Variants in DLGAP1 observed in about 807,000 individuals in gnomAD.
DLGAP1 encodes DLG associated protein 1, also known as disks large-associated protein 1.
A neutral mutation model predicts 90.8 loss-of-function variants in DLGAP1; 11 were observed. The observed-to-expected ratio is 0.12, with a 90% CI of 0.08 to 0.20. DLGAP1 has a LOEUF of 0.20. Ranked by LOEUF, DLGAP1 falls within the 10% of genes least tolerant of loss-of-function variation. The pLI is 1.00. For missense variants in DLGAP1, 1,050 were observed against 1,333.8 expected, an observed-to-expected ratio of 0.79 and a Z score of 3.31; for synonymous variants, 558 against 540.7, an observed-to-expected ratio of 1.03 and a Z score of -0.44.
chr18:3,891,916 T>C (rs2071471147), intron 3 of DLGAP1: 1 of 151,988 alleles, frequency 6.6e-6, no homozygotes, highest in African/African-American at 2.4e-5. Context: ...TTTTTTTCAT[T>C]TTTTTGTAGA....
intron 2 of DLGAP1, among the ~76,000 whole-genome samples, chr18:4,049,568 G>T (rs2075103445): frequency 6.6e-6 from 1 of 152,128 alleles, no homozygotes; most frequent in Admixed American, 6.5e-5. Context: ...TTTTGCCTCA[G>T]TTTCCTTAGG....
rs1011573720 is a variant in DLGAP1, at chr18:3,846,847, G to T, written c.957+32265C>A. On this transcript the variant is annotated intron_variant, in intron 4 of 12. Transcript: ENST00000315677. ...CAGGTACAGGATTCCTTATTGGAGT[G>T]AAGAAAATATTTTTATCTTAGATCT... Among the ~76,000 whole-genome samples, 10 of 152,248 alleles carry T rather than the reference G, an allele frequency of 6.6e-5. 1 individual carries two copies. Among genetic ancestry groups the T allele is most frequent in the Admixed American group, 6.5e-4 (10 of 15,290 alleles).
chr18:4,153,454 A>T (rs1421228855), intron 1 of DLGAP1, among the ~76,000 whole-genome samples: 1 of 152,218 alleles, frequency 6.6e-6, no homozygotes, highest in African/African-American at 2.4e-5. Flanking sequence ...TGAGATTAAA[A>T]TGCAGAACTC....
intron 3 of DLGAP1, among the ~76,000 whole-genome samples, chr18:3,972,503 A>ACTCT (rs1186796314): frequency 1.1e-4 from 13 of 119,612 alleles, no homozygotes; most frequent in East Asian, 4.5e-4. Flanking sequence ...TCACACACAC[A>ACTCT]CACACTCTCT....
chr18:3,987,136 T>C (rs1435813220), intron 3 of DLGAP1, among the ~76,000 whole-genome samples: 2 of 152,152 alleles, frequency 1.3e-5, no homozygotes, highest in African/African-American at 4.8e-5. Context: ...CTAGGTTTAT[T>C]TACCTCCCTA....
chr18:3,943,148 A>G (rs2072804948), intron 3 of DLGAP1, among the ~76,000 whole-genome samples: 2 of 152,074 alleles, frequency 1.3e-5, no homozygotes, highest in Admixed American at 6.5e-5. Context: ...CCTGGCATCA[A>G]TCTCCTATCT....
chr18:4,095,981 G>C (rs967550411), intron 2 of DLGAP1, among the ~76,000 whole-genome samples: 1 of 152,130 alleles, frequency 6.6e-6, no homozygotes, highest in African/African-American at 2.4e-5. Flanking sequence ...TGCCTGAGAT[G>C]ATGATGATTA....
chr18:3,836,498 G>A (rs984022777), intron 4 of DLGAP1, among the ~76,000 whole-genome samples: 7 of 152,188 alleles, frequency 4.6e-5, no homozygotes, highest in African/African-American at 1.7e-4. Context: ...TTTGTCAAAT[G>A]TTTTCCTCAC....
chr18:4,420,912 A>T (rs1203894110), intron 1 of DLGAP1, among the ~76,000 whole-genome samples: 2 of 152,202 alleles, frequency 1.3e-5, no homozygotes, highest in African/African-American at 2.4e-5. Context: ...TACCCTTAGT[A>T]TCTCTCTTTC....
intron 1 of DLGAP1, among the ~76,000 whole-genome samples, chr18:4,210,573 T>C (rs1208797197): frequency 6.6e-6 from 1 of 152,194 alleles, no homozygotes; most frequent in East Asian, 1.9e-4. Flanking sequence ...ATTTACTATA[T>C]ACATGATGTC....
intron 7 of DLGAP1, among the ~76,000 whole-genome samples, chr18:3,687,371 G>T (rs1473299694): frequency 6.6e-6 from 1 of 152,178 alleles, no homozygotes; most frequent in Non-Finnish European, 1.5e-5. Flanking sequence ...TTAGCTTCAT[G>T]AAATGGACAG....
At chr18:3,643,156 A>G (rs2058998470) in intron 7 of DLGAP1, among the ~76,000 whole-genome samples, 1 of 152,214 alleles carries the variant, frequency 6.6e-6, no homozygotes, top group African/African-American at 2.4e-5. Flanking sequence ...TCCAGAATAT[A>G]CTACAGAATT....
chr18:4,017,832 T>C (rs1367031620), intron 2 of DLGAP1, among the ~76,000 whole-genome samples: 1 of 152,014 alleles, frequency 6.6e-6, no homozygotes, highest in African/African-American at 2.4e-5. Context: ...CCAGTAAGTC[T>C]ACCTAAAGCC....
At chr18:4,178,907 A>G (rs1031059997) in intron 1 of DLGAP1, among the ~76,000 whole-genome samples, 6 of 152,338 alleles carry the variant, frequency 3.9e-5, no homozygotes, top group Admixed American at 2.6e-4. Context: ...GATTACATAT[A>G]TGATGCTAGA....
chr18:4,404,866 A>G (rs1289381045), intron 1 of DLGAP1, among the ~76,000 whole-genome samples: 1 of 152,192 alleles, frequency 6.6e-6, no homozygotes, highest in Non-Finnish European at 1.5e-5. Flanking sequence ...TGATTTTAAA[A>G]CAAAAATAAT....
At position 3,822,663 on chromosome 18, in the gene DLGAP1, T is replaced by C. The variant is rs551968474; in HGVS notation, c.958-8390A>G. On this transcript the variant is annotated intron_variant, in intron 4 of 12. Transcript: ENST00000315677. ...GTTCCTTAAAAATTGAACATATGTGTGTGAAGTGCAAATGCCACTGATAAA... is the reference window on the plus strand; with the variant it reads ...GTTCCTTAAAAATTGAACATATGTGCGTGAAGTGCAAATGCCACTGATAAA... Among the ~76,000 whole-genome samples the C allele has an allele frequency of 1.6e-4, 24 of 152,306 alleles. No individual in the cohort carries two copies. The East Asian group carries it at 3.1e-3, about 20-fold the overall frequency.
chr18:3,917,582 G>T (rs1430234388), intron 3 of DLGAP1, among the ~76,000 whole-genome samples: 1 of 152,220 alleles, frequency 6.6e-6, no homozygotes, highest in Non-Finnish European at 1.5e-5. Flanking sequence ...GTGAGGGTTT[G>T]TGAAGTCACT....
At chr18:4,013,941 A>G (rs1253373561) in intron 2 of DLGAP1, 4 of 152,192 alleles carry the variant, frequency 2.6e-5, no homozygotes. Flanking sequence ...TATAAACAAT[A>G]TATTTATTTA....
At chr18:3,758,374 G>C (rs1768791532) in intron 5 of DLGAP1, among the ~76,000 whole-genome samples, 1 of 152,202 alleles carries the variant, frequency 6.6e-6, no homozygotes, top group Admixed American at 6.6e-5. Context: ...TAAAATGAGA[G>C]AGCTCAAAAT....
Sources: gnomAD v4.1 joint callset for allele counts (sites outside exome capture counted in the v4.1 genomes callset) on GRCh38, gnomAD v4.1.1 for gene constraint, MANE v1.5 for transcripts, NCBI Gene and HGNC (gene_info 2026-07-23, HGNC 2026-07-21) for gene names.